The following C5 variants were observed in gnomAD, a reference collection of about 807,000 sequenced individuals.
The protein encoded by C5 is complement C5.
In C5, 140 loss-of-function variants were observed where a neutral mutation model predicts 218.8. The ratio of observed to expected loss-of-function variants is 0.64; its 90% CI spans 0.56 to 0.74. C5 has a LOEUF of 0.74. Ranked by LOEUF, C5 falls within the 30% of genes least tolerant of loss-of-function variation. The pLI is 0.00. For synonymous variants in C5, 614 were observed against 682.3 expected, an observed-to-expected ratio of 0.90 and a Z score of 1.56; for missense variants, 1,700 against 1,969.6, an observed-to-expected ratio of 0.86 and a Z score of 2.59.
Position 120,982,886 on chromosome 9 carries a change from A to G in C5, c.3231-72T>C, listed in dbSNP as rs978797104. On this transcript the variant is annotated intron_variant, in intron 25 of 40. Transcript: ENST00000223642. ...TTTTGACTTTCAATTAATTTATACA[A>G]CTTTATTCTTTAAAAGAAAATAACA... 4 of 824,838 alleles carry G rather than the reference A, an allele frequency of 4.8e-6. No individual in the cohort carries two copies. The African/African-American group carries it at 6.9e-5, about 14-fold the overall frequency. The allele number at this position is 824,838 out of a possible 1,614,324, so 51.1% of individuals were successfully genotyped here.
rs772235074 is a variant in C5 at position 121,017,407 on chromosome 9, A to C, written c.1821T>G (p.Ser607Arg). ...CTCCTCTTTGGACTCCATACACAGC[A>C]CTGTCCACTGCTGCTAATGCCACCC... ...DSWVALAAVD[S>R]AVYGVQRGAK... The change falls in exon 14 of 41, where the codon AGT (serine) becomes AGG (arginine). Residue 607 changes from serine (S) to arginine (R), a missense_variant. Physicochemically the swap from Ser to Arg is moderately radical, Grantham distance 110. Transcript: ENST00000223642. The C allele has an allele frequency of 1.2e-6, 2 of 1,614,022 alleles. No individual in the cohort carries two copies. Among genetic ancestry groups the C allele is most frequent in the Admixed American group, 3.3e-5 (2 of 60,020 alleles).
At chr9:120,954,369 T>C (rs530482685) in intron 39 of C5, among the ~76,000 whole-genome samples, 33 of 152,354 alleles carry the variant, frequency 2.2e-4, no homozygotes, top group African/African-American at 7.9e-4. Context: ...TGTGAAAGAC[T>C]TGGAAAACTT....
chr9:121,034,303 T>A (rs1047742252), intron 5 of C5, among the ~76,000 whole-genome samples: 24 of 152,358 alleles, frequency 1.6e-4, no homozygotes, highest in African/African-American at 5.3e-4. Context: ...ATACCAAGAA[T>A]GTGTTCATTG....
intron 9 of C5, among the ~76,000 whole-genome samples, chr9:121,024,855 A>T (rs1295635603): frequency 6.6e-6 from 1 of 152,204 alleles, no homozygotes; most frequent in African/African-American, 2.4e-5. Flanking sequence ...GGCATCATAC[A>T]TCATTAATGT....
At chr9:120,969,322 T>TAAC (rs542334247) in intron 32 of C5, among the ~76,000 whole-genome samples, 303 of 152,336 alleles carry the variant, frequency 2.0e-3, no homozygotes, top group African/African-American at 7.0e-3. Flanking sequence ...TTTAAATAAT[T>TAAC]AACAGTTCAT....
intron 20 of C5, among the ~76,000 whole-genome samples, chr9:120,998,117 T>G (rs2047133103): frequency 6.6e-6 from 1 of 152,156 alleles, no homozygotes; most frequent in Non-Finnish European, 1.5e-5. Flanking sequence ...CTCGAAATAC[T>G]TTATCTCTAA....
rs1199458802 is a variant in C5, at chr9:121,027,494, A to T, written c.759-220T>A. On this transcript the variant is annotated intron_variant, in intron 7 of 40. Coordinates refer to ENST00000223642, the MANE Select transcript of C5 (RefSeq NM_001735.3). ...CAGCATGGTACTGGTACCAAAACAG[A>T]TATATAGACCAATGGAACAGAACAG... 7.9e-5 allele frequency among the ~76,000 whole-genome samples: 12 copies of T among 152,312 alleles called. No individual in the cohort carries two copies. The East Asian group carries it at 2.1e-3, about 27-fold the overall frequency.
chr9:121,036,418 T>C (rs2047525036), intron 4 of C5, among the ~76,000 whole-genome samples: 1 of 152,196 alleles, frequency 6.6e-6, no homozygotes, highest in African/African-American at 2.4e-5. Context: ...GCCATGATTC[T>C]GCATCACTTA....
At chr9:121,061,221 C>T in the C5 span, among the ~76,000 whole-genome samples, 1 of 151,938 alleles carries the variant, frequency 6.6e-6, no homozygotes, top group East Asian at 1.9e-4. Flanking sequence ...ATCACACACA[C>T]AAAAAAGTAG....
chr9:121,019,404 G>GT (rs1342985077), intron 12 of C5, among the ~76,000 whole-genome samples: 1 of 152,162 alleles, frequency 6.6e-6, no homozygotes, highest in African/African-American at 2.4e-5. Flanking sequence ...AATATTTTCT[G>GT]TAAGTTTTTT....
intron 31 of C5, among the ~76,000 whole-genome samples, chr9:120,970,538 C>T (rs548156021): frequency 6.3e-4 from 96 of 152,314 alleles, no homozygotes; most frequent in African/African-American, 1.9e-3. Context: ...CAGGAGAGTT[C>T]CCAAGGTTCT....
At position 121,005,983 on chromosome 9, in the gene C5, A is replaced by G. The variant is rs1293292904; in HGVS notation, c.2498T>C (p.Val833Ala). 6.2e-7 allele frequency: 1 copy of G among 1,613,732 alleles called. No individual in the cohort carries two copies. Among genetic ancestry groups the G allele is most frequent in the South Asian group, 1.1e-5 (1 of 91,078 alleles). The change falls in exon 20 of 41, where the codon GTT becomes GCT. Residue 833 changes from valine to alanine, a missense_variant. Coordinates refer to ENST00000223642, the MANE Select transcript of C5 (RefSeq NM_001735.3). ...CAATTGGATCTGTTCTCCTCGTACA[A>G]CAGAATATGGTATATTCATTTCCAG... ...VFLEMNIPYS[V>A]VRGEQIQLKG...
At chr9:121,002,286 A>ATG (rs2047175201) in intron 20 of C5, among the ~76,000 whole-genome samples, 1 of 115,932 alleles carries the variant, frequency 8.6e-6, no homozygotes, top group Non-Finnish European at 1.8e-5. Context: ...ATATACGTAT[A>ATG]TATGTATATA....
rs527753940 is a variant in C5, at chr9:120,983,638, T to C, written c.3231-824A>G. 4.6e-5 allele frequency among the ~76,000 whole-genome samples: 7 copies of C among 152,222 alleles called. No individual in the cohort carries two copies. In the East Asian group the frequency reaches 5.8e-4, roughly 13 times the overall value. ...GAAGCCTGGGCGTCATAGTGAGACA[T>C]TGTCTCTACAAAAAATGCAAAACAT... On this transcript the variant is annotated intron_variant, in intron 25 of 40. Transcript: ENST00000223642.
intron 33 of C5, among the ~76,000 whole-genome samples, chr9:120,968,297 A>G (rs565624397): frequency 3.0e-4 from 46 of 152,302 alleles, no homozygotes; most frequent in African/African-American, 1.1e-3. Flanking sequence ...AGATTGGAAG[A>G]TGCTGTGACA....
At chr9:120,994,352 G>A (rs1185124011) in intron 22 of C5, among the ~76,000 whole-genome samples, 2 of 152,232 alleles carry the variant, frequency 1.3e-5, no homozygotes, top group East Asian at 3.9e-4. Context: ...GGAGTCCAAG[G>A]CTGGTGGGTC....
chr9:121,025,728 C>A, intron 8 of C5, 148 bp from the exon 9 acceptor site: 1 of 682,292 alleles, frequency 1.5e-6, no homozygotes, highest in Non-Finnish European at 2.5e-6. Flanking sequence ...ACCGAGTCCA[C>A]GATTAAGCCC....
In C5 at chr9:120,970,320, C is replaced by A. The variant is rs2046901635; in HGVS notation, c.4081-69G>T. ...GAAAGTGACAAAGGTATTATGGCAA[C>A]ACTGCTGCTGCAGATGGGATGCTCG... On this transcript the variant is annotated intron_variant, in intron 31 of 40. Transcript: ENST00000223642. 3.0e-6 allele frequency: 3 copies of A among 985,626 alleles called. No individual in the cohort carries two copies. The East Asian group carries it at 7.2e-5, about 24-fold the overall frequency. The allele number at this position is 985,626 out of a possible 1,614,324, so 61.1% of individuals were successfully genotyped here.
At chr9:121,027,961 A>C (rs1421271393) in intron 7 of C5, among the ~76,000 whole-genome samples, 1 of 152,242 alleles carries the variant, frequency 6.6e-6, no homozygotes, top group Non-Finnish European at 1.5e-5. Context: ...AAGGGCTAAT[A>C]TCCAGAATCT....
Sources: gnomAD v4.1 joint callset for allele counts (sites outside exome capture counted in the v4.1 genomes callset) on GRCh38, gnomAD v4.1.1 for gene constraint, MANE v1.5 for transcripts, NCBI Gene and HGNC (gene_info 2026-07-23, HGNC 2026-07-21) for gene names.